Variants in SLC25A48 observed in about 807,000 individuals in gnomAD.
SLC25A48 encodes the protein CTC-321K16.1.
A neutral mutation model predicts 32.2 loss-of-function variants in SLC25A48; 29 were observed. That is an observed-to-expected ratio of 0.90 (90% CI 0.67 to 1.23). SLC25A48 has a LOEUF of 1.23. Among genes scored for constraint, SLC25A48 ranks in the 50% most tolerant of loss-of-function variants. SLC25A48 has a pLI of 0.00. For synonymous variants in SLC25A48, 164 were observed against 172.3 expected, an observed-to-expected ratio of 0.95 and a Z score of 0.38; for missense variants, 399 against 422.7, an observed-to-expected ratio of 0.94 and a Z score of 0.49.
chr5:135,730,524 T>C (rs1373600548), intron 3 of SLC25A48, among the ~76,000 whole-genome samples: 2 of 152,190 alleles, frequency 1.3e-5, no homozygotes, highest in African/African-American at 4.8e-5. Context: ...TATAAATTGC[T>C]CAGTCTTGGG....
chr5:135,719,793 C>T (rs1040795449), intron 3 of SLC25A48, among the ~76,000 whole-genome samples: 1 of 152,174 alleles, frequency 6.6e-6, no homozygotes, highest in African/African-American at 2.4e-5. Flanking sequence ...TGCATTGACC[C>T]ACTGCCCTCC....
upstream of SLC25A48, among the ~76,000 whole-genome samples, chr5:135,834,324 G>A (rs1758324454): frequency 6.6e-6 from 1 of 152,210 alleles, no homozygotes; most frequent in Non-Finnish European, 1.5e-5. Flanking sequence ...GGTACTGAGT[G>A]GGACATGGCT....
At chr5:135,851,460 G>T (rs1195147866) in intron 3 of SLC25A48, among the ~76,000 whole-genome samples, 1 of 152,194 alleles carries the variant, frequency 6.6e-6, no homozygotes, top group Non-Finnish European at 1.5e-5. Context: ...TGGGGTTTTG[G>T]TGGGGACTGC....
intron 3 of SLC25A48, among the ~76,000 whole-genome samples, chr5:135,769,470 T>A (rs1161898501): frequency 1.3e-5 from 2 of 151,718 alleles, no homozygotes; most frequent in Non-Finnish European, 2.9e-5. Flanking sequence ...TGTGATACAG[T>A]TTGTAATATT....
Position 135,584,835 on chromosome 5 carries a change from C to T in SLC25A48, c.-849+5238C>T, listed in dbSNP as rs74838159. Among the ~76,000 whole-genome samples the T allele has an allele frequency of 9.8e-4, 150 of 152,324 alleles. 1 individual carries two copies. The East Asian group carries it at 0.022, about 23-fold the overall frequency. ...TGTAAACACTGTGATTATAAGTATG[C>T]AAAACAGTAACCTCTGTACAAAGGA... is the stretch of plus-strand genomic sequence containing the variant. On this transcript the variant is annotated intron_variant, in intron 1 of 10. Coordinates refer to the SLC25A48 transcript ENST00000646290.
chr5:135,770,734 C>A (rs1393813664), intron 3 of SLC25A48, among the ~76,000 whole-genome samples: 1 of 151,594 alleles, frequency 6.6e-6, no homozygotes, highest in Non-Finnish European at 1.5e-5. Flanking sequence ...GTGTATACCA[C>A]CCCTGTGGCA....
intron 3 of SLC25A48, among the ~76,000 whole-genome samples, chr5:135,759,659 T>G (rs558944709): frequency 5.2e-4 from 79 of 152,136 alleles, no homozygotes; most frequent in Non-Finnish European, 9.6e-4. Flanking sequence ...TCCTCACAAA[T>G]GCCACATAAA....
intron 2 of SLC25A48, among the ~76,000 whole-genome samples, chr5:135,842,812 A>G (rs952691687): frequency 2.0e-5 from 3 of 152,222 alleles, no homozygotes; most frequent in Non-Finnish European, 4.4e-5. Context: ...AGATCATACA[A>G]CAAGTTAAAA....
At chr5:135,883,787 T>G (rs970777534) in intron 7 of SLC25A48, among the ~76,000 whole-genome samples, 1 of 152,146 alleles carries the variant, frequency 6.6e-6, no homozygotes, top group African/African-American at 2.4e-5. Context: ...GGGCCTTATT[T>G]TTACATGGAG....
intron 4 of SLC25A48, among the ~76,000 whole-genome samples, chr5:135,820,338 T>C (rs1757852247): frequency 1.3e-5 from 2 of 152,232 alleles, no homozygotes; most frequent in Admixed American, 6.5e-5. Flanking sequence ...CCGTGTATTC[T>C]AGAATAGGTA....
At chr5:135,694,091 A>G (rs1754211403) in intron 3 of SLC25A48, among the ~76,000 whole-genome samples, 1 of 152,206 alleles carries the variant, frequency 6.6e-6, no homozygotes, top group Non-Finnish European at 1.5e-5. Flanking sequence ...CCTAGACAGA[A>G]TGTCTCACAG....
intron 3 of SLC25A48, among the ~76,000 whole-genome samples, chr5:135,706,544 G>A (rs1210694787): frequency 6.6e-6 from 1 of 152,184 alleles, no homozygotes; most frequent in Non-Finnish European, 1.5e-5. Flanking sequence ...TCAGCGCGTT[G>A]CCATTCTTTC....
intron 3 of SLC25A48, among the ~76,000 whole-genome samples, chr5:135,778,352 C>T (rs1476818368): frequency 2.0e-5 from 3 of 150,838 alleles, no homozygotes; most frequent in African/African-American, 4.9e-5. Context: ...CTCCCAATAT[C>T]GCAGAAGATG....
chr5:135,784,011 T>C, intron 3 of SLC25A48, among the ~76,000 whole-genome samples: 1 of 117,738 alleles, frequency 8.5e-6, no homozygotes, highest in East Asian at 2.2e-4. Context: ...TGTACACTTA[T>C]CCTGTGATAT....
chr5:135,791,153 A>C (rs763814005), intron 3 of SLC25A48, among the ~76,000 whole-genome samples: 9 of 151,598 alleles, frequency 5.9e-5, no homozygotes, highest in Non-Finnish European at 1.0e-4. Context: ...TCCTAGGGAG[A>C]CATGACTTCT....
At chr5:135,832,149 G>GT (rs1758231676), upstream of SLC25A48, among the ~76,000 whole-genome samples, 1 of 152,182 alleles carries the variant, frequency 6.6e-6, no homozygotes, top group African/African-American at 2.4e-5. Context: ...CCAGGTGGAG[G>GT]TGTTGAGTAG....
intron 1 of SLC25A48, among the ~76,000 whole-genome samples, chr5:135,612,707 C>A (rs1055775285): frequency 2.0e-5 from 3 of 152,186 alleles, no homozygotes; most frequent in Non-Finnish European, 4.4e-5. Flanking sequence ...CATGTTGCTG[C>A]AACTTATAGG....
intron 4 of SLC25A48, among the ~76,000 whole-genome samples, chr5:135,823,996 C>T (rs184194895): frequency 2.4e-4 from 36 of 152,236 alleles, no homozygotes; most frequent in East Asian, 3.9e-4. Context: ...CTATTGTGAA[C>T]GAGAGGCACC....
chr5:135,602,720 C>G (rs1019553831), intron 1 of SLC25A48, among the ~76,000 whole-genome samples: 1 of 151,300 alleles, frequency 6.6e-6, no homozygotes, highest in African/African-American at 2.4e-5. Context: ...CCCATTAACT[C>G]GTCATTTACA....
Sources: allele counts gnomAD v4.1 joint callset (sites outside exome capture counted in the v4.1 genomes callset), GRCh38; gene constraint gnomAD v4.1.1; transcripts MANE v1.5; gene names NCBI Gene and HGNC (gene_info 2026-07-23, HGNC 2026-07-21).